The following ROBO1 variants were observed in gnomAD, a reference collection of about 807,000 sequenced individuals.
The protein encoded by ROBO1 is roundabout homolog 1.
A neutral mutation model predicts 195.9 loss-of-function variants in ROBO1; 149 were observed. The observed-to-expected ratio is 0.76, with a 90% CI of 0.67 to 0.87. The LOEUF is 0.87. Among genes scored for constraint, ROBO1 ranks in the 40% least tolerant of loss-of-function variants. The pLI is 0.00. For missense variants in ROBO1, 1,933 were observed against 2,068.3 expected (o/e 0.93, Z 1.27); for synonymous variants, 816 against 733.2 (o/e 1.11, Z -1.82).
chr3:79,550,195 G>GAAAGAAAGGAAAGAAAAGAAAA lies in ROBO1; in HGVS notation c.88+39628_88+39629insTTTTCTTTTCTTTCCTTTCTTT. ...AGAAAGAAAGAAAGAAAGAAAGAAA[G>GAAAGAAAGGAAAGAAAAGAAAA]GAAAAGAAAAGAAAAGAAAAGAAAA... On this transcript the variant is annotated intron_variant, in intron 2 of 30. Transcript: ENST00000464233. Among the ~76,000 whole-genome samples the GAAAGAAAGGAAAGAAAAGAAAA allele has an allele frequency of 6.9e-5, 7 of 100,812 alleles. 1 individual carries two copies. Among genetic ancestry groups the GAAAGAAAGGAAAGAAAAGAAAA allele is most frequent in the African/African-American group, 2.8e-4 (6 of 21,382 alleles). The allele number at this position is 100,812 out of a possible 152,430, so 66.1% of individuals were successfully genotyped here. A position where few individuals can be genotyped will look rare whatever the true frequency, so the allele number is the denominator to read the frequency against.
At chr3:79,214,956 A>C (rs1337952565) in intron 2 of ROBO1, among the ~76,000 whole-genome samples, 2 of 151,900 alleles carry the variant, frequency 1.3e-5, no homozygotes, top group Non-Finnish European at 2.9e-5. Context: ...CAACATGGTG[A>C]TATTTCAACT....
intron 25 of ROBO1, among the ~76,000 whole-genome samples, chr3:78,628,909 GGTCTCCTA>G (rs1704995434): frequency 6.6e-6 from 1 of 151,574 alleles, no homozygotes; most frequent in African/African-American, 2.4e-5. Flanking sequence ...TCTTTTAATT[GGTCTCCTA>G]GCCTCCCAGT....
At chr3:79,317,264 A>G (rs960193680) in intron 2 of ROBO1, among the ~76,000 whole-genome samples, 6 of 152,084 alleles carry the variant, frequency 3.9e-5, no homozygotes, top group African/African-American at 9.7e-5. Context: ...AGTCACTCCT[A>G]TTTTTAAAGT....
At chr3:78,799,482 C>T (rs1387661579) in intron 4 of ROBO1, among the ~76,000 whole-genome samples, 4 of 152,180 alleles carry the variant, frequency 2.6e-5, no homozygotes, top group African/African-American at 7.2e-5. Context: ...GCTGGGACTA[C>T]AGGCGCCCAC....
intron 3 of ROBO1, among the ~76,000 whole-genome samples, chr3:79,020,379 TTTTC>T (rs1408122835): frequency 6.6e-6 from 1 of 152,136 alleles, no homozygotes; most frequent in Non-Finnish European, 1.5e-5. Flanking sequence ...AGTCAGTCAT[TTTTC>T]TTTCTTTCTT....
intron 2 of ROBO1, among the ~76,000 whole-genome samples, chr3:79,519,229 G>T (rs2107570995): frequency 6.6e-6 from 1 of 152,202 alleles, no homozygotes; most frequent in South Asian, 2.1e-4. Context: ...CAATGGCGCT[G>T]AAAATTTCAG....
intron 3 of ROBO1, among the ~76,000 whole-genome samples, chr3:79,082,085 C>T (rs2079284920): frequency 6.6e-6 from 1 of 151,966 alleles, no homozygotes; most frequent in African/African-American, 2.4e-5. Context: ...TTTAAAGTGT[C>T]CTTATAAATT....
At chr3:78,913,300 T>C (rs909789465) in intron 4 of ROBO1, among the ~76,000 whole-genome samples, 8 of 152,106 alleles carry the variant, frequency 5.3e-5, no homozygotes, top group South Asian at 2.1e-4. Context: ...CCCAGCTAAA[T>C]AGAAATCAAA....
At chr3:79,642,334 A>G (rs907769526) in intron 1 of ROBO1, among the ~76,000 whole-genome samples, 1 of 152,178 alleles carries the variant, frequency 6.6e-6, no homozygotes, top group Non-Finnish European at 1.5e-5. Flanking sequence ...GGACTTCAGT[A>G]AGAGCAAGGG....
chr3:79,222,452 C>G (rs1004286467), intron 2 of ROBO1, among the ~76,000 whole-genome samples: 4 of 151,628 alleles, frequency 2.6e-5, no homozygotes, highest in Admixed American at 2.0e-4. Flanking sequence ...CCCTTGTGGG[C>G]AAGCCATACT....
chr3:78,972,201 C>T (rs921106563), intron 3 of ROBO1, among the ~76,000 whole-genome samples: 1 of 152,128 alleles, frequency 6.6e-6, no homozygotes, highest in Non-Finnish European at 1.5e-5. Flanking sequence ...TTTATAAATT[C>T]CTTTTACTTC....
At chr3:78,680,576 GA>G (rs1205629923) in intron 10 of ROBO1, among the ~76,000 whole-genome samples, 1 of 151,754 alleles carries the variant, frequency 6.6e-6, no homozygotes, top group Non-Finnish European at 1.5e-5. Context: ...AACAACACAT[GA>G]AAAAATGCTC....
rs139224583 is a variant in ROBO1, at chr3:78,889,089, C to T, written c.499+49512G>A. Among the ~76,000 whole-genome samples the T allele has an allele frequency of 1.6e-3, 245 of 152,266 alleles. 1 individual carries two copies. In the Middle Eastern group the frequency reaches 0.017, roughly 11 times the overall value. The stretch of plus-strand genomic sequence containing the variant: ...GAACATGATCTTACCTTCATAGATG[C>T]TGCAATTTCAAGAGTGAAACTATTA... On this transcript the variant is annotated intron_variant, in intron 4 of 30. Coordinates refer to ENST00000464233, the MANE Select transcript of ROBO1 (RefSeq NM_002941.4).
At chr3:79,510,789 T>TG (rs1279929408) in intron 2 of ROBO1, among the ~76,000 whole-genome samples, 1 of 152,116 alleles carries the variant, frequency 6.6e-6, no homozygotes, top group Non-Finnish European at 1.5e-5. Flanking sequence ...TTCCAAGATT[T>TG]GGGGGATACT....
At chr3:79,327,040 A>G (rs1052871358) in intron 2 of ROBO1, among the ~76,000 whole-genome samples, 1 of 152,202 alleles carries the variant, frequency 6.6e-6, no homozygotes, top group Non-Finnish European at 1.5e-5. Context: ...AATTGAGTTC[A>G]TGCATACAAA....
intron 3 of ROBO1, among the ~76,000 whole-genome samples, chr3:79,124,160 T>G (rs1429937556): frequency 6.6e-6 from 1 of 152,086 alleles, no homozygotes; most frequent in African/African-American, 2.4e-5. Context: ...ACAACTTTTT[T>G]GTAGCTAAGT....
intron 3 of ROBO1, among the ~76,000 whole-genome samples, chr3:79,054,451 A>G (rs1418475564): frequency 6.6e-6 from 1 of 152,052 alleles, no homozygotes; most frequent in Non-Finnish European, 1.5e-5. Flanking sequence ...ATGGCCATGC[A>G]TTCCATCCAA....
chr3:78,778,948 G>A (rs1420683794), intron 4 of ROBO1, among the ~76,000 whole-genome samples: 2 of 151,950 alleles, frequency 1.3e-5, no homozygotes, highest in East Asian at 1.9e-4. Context: ...CAGAAATAAC[G>A]CCACGCATCT....
chr3:79,090,194 T>C (rs1296216978), intron 3 of ROBO1, among the ~76,000 whole-genome samples: 3 of 152,148 alleles, frequency 2.0e-5, no homozygotes, highest in African/African-American at 7.2e-5. Flanking sequence ...CGCCTCAGCC[T>C]CCCAAAGTGC....
Sources: gnomAD v4.1 joint callset for allele counts (sites outside exome capture counted in the v4.1 genomes callset) on GRCh38, gnomAD v4.1.1 for gene constraint, MANE v1.5 for transcripts, NCBI Gene and HGNC (gene_info 2026-07-23, HGNC 2026-07-21) for gene names.